Variants in ITGB3 observed in about 807,000 individuals in gnomAD.
The protein encoded by ITGB3 is integrin subunit beta 3, also known as integrin beta-3.
ITGB3 carries 48 observed loss-of-function variants against 85.8 expected under a neutral mutation model. The observed-to-expected ratio is 0.56, with a 90% CI of 0.44 to 0.71. The LOEUF is 0.71. ITGB3 is among the 30% of genes least tolerant of loss of function. The probability of loss-of-function intolerance (pLI) is 0.00; values close to 1 mark genes in which losing one functional copy is unlikely to be tolerated. For synonymous variants in ITGB3, 363 were observed against 395.6 expected, an observed-to-expected ratio of 0.92 and a Z score of 0.98; for missense variants, 861 against 1,019.1, an observed-to-expected ratio of 0.84 and a Z score of 2.11.
chr17:47,286,788 C>T (rs1297006008), intron 5 of ITGB3, among the ~76,000 whole-genome samples: 1 of 152,202 alleles, frequency 6.6e-6, no homozygotes, highest in African/African-American at 2.4e-5. Flanking sequence ...TCTAGATGAG[C>T]AATGTGACTG....
Position 47,271,502 on chromosome 17 carries a change from A to G in ITGB3, c.80-2917A>G, listed in dbSNP as rs139676375. ...AAGGAATGCTGAAATGAATTAGTGA[A>G]TAGATTGAAAATTGGTTAATATTCT... On this transcript the variant is annotated intron_variant, in intron 1 of 14. Transcript: ENST00000559488. Among the ~76,000 whole-genome samples, 705 of 152,348 alleles carry G rather than the reference A, an allele frequency of 4.6e-3. 18 individuals carry two copies. The East Asian group carries it at 0.056, about 12-fold the overall frequency.
intron 1 of ITGB3, among the ~76,000 whole-genome samples, chr17:47,263,924 G>T (rs562527296): frequency 6.6e-6 from 1 of 152,228 alleles, no homozygotes; most frequent in Non-Finnish European, 1.5e-5. Flanking sequence ...GTGAACAAAA[G>T]TTCTCTGAAA....
intron 2 of ITGB3, among the ~76,000 whole-genome samples, chr17:47,275,325 G>A (rs2143070860): frequency 6.6e-6 from 1 of 151,564 alleles, no homozygotes; most frequent in East Asian, 2.0e-4. Context: ...GGGCCCTAGG[G>A]AATGAGTGTG....
intron 1 of ITGB3, among the ~76,000 whole-genome samples, chr17:47,259,794 G>A (rs2065002900): frequency 6.6e-6 from 1 of 152,154 alleles, no homozygotes; most frequent in Non-Finnish European, 1.5e-5. Context: ...AGCTACTCGG[G>A]AGGCTGAGGC....
At chr17:47,266,861 CATGAGCCTGG>C (rs1181449939) in intron 1 of ITGB3, among the ~76,000 whole-genome samples, 1 of 152,122 alleles carries the variant, frequency 6.6e-6, no homozygotes, top group African/African-American at 2.4e-5. Flanking sequence ...GGATTACAGG[CATGAGCCTGG>C]ATTTTCGAAG....
chr17:47,270,655 T>C (rs8074094), intron 1 of ITGB3, among the ~76,000 whole-genome samples: 43,061 of 152,080 alleles, frequency 0.28, 6,405 homozygotes, highest in African/African-American at 0.34. Context: ...TTCCCACTCA[T>C]GGGCCTCACG....
Position 47,291,014 on chromosome 17 carries a change from T to C in ITGB3, c.1186T>C (p.Phe396Leu). Reference sequence around the variant, plus strand: ...CCTCCCTGAAGAGTTGTCTCTATCCTTCAATGCCACCTGCCTCAACAATGA... The same window carrying C: ...CCTCCCTGAAGAGTTGTCTCTATCCCTCAATGCCACCTGCCTCAACAATGA... ...RDLPEELSLS[F>L]NATCLNNEVI... is the part of the protein sequence containing the mutation. The change falls in exon 9 of 15, where the codon TTC (phenylalanine) becomes CTC (leucine). Residue 396 changes from phenylalanine (F) to leucine (L), a missense_variant. By Grantham distance (22) the Phe-to-Leu change is conservative. Coordinates refer to ENST00000559488, the MANE Select transcript of ITGB3 (RefSeq NM_000212.3). The C allele has an allele frequency of 1.2e-6, 2 of 1,614,120 alleles. No individual in the cohort carries two copies. Among genetic ancestry groups the C allele is most frequent in the Non-Finnish European group, 1.7e-6 (2 of 1,179,986 alleles).
chr17:47,307,426 C>T lies in ITGB3; in HGVS notation c.2135-45C>T, dbSNP rs773738026. On this transcript the variant is annotated intron_variant, in intron 13 of 14. Coordinates refer to ENST00000559488, the MANE Select transcript of ITGB3 (RefSeq NM_000212.3). ...TTTTTCATAGCCAGTTCAAGTGACT[C>T]CTGCTTCATTCACAACCGCCCTGCT... 5 of 1,609,724 alleles carry T rather than the reference C, an allele frequency of 3.1e-6. 1 individual carries two copies. In the South Asian group the frequency reaches 5.5e-5, roughly 18 times the overall value.
rs200790464 is a variant in ITGB3 at position 47,299,378 on chromosome 17, C to T, written c.1761C>T (p.Thr587=). Residue 587 remains threonine, a synonymous_variant, in exon 11 of 15, where the codon ACC becomes ACT. Coordinates refer to ENST00000559488, the MANE Select transcript of ITGB3 (RefSeq NM_000212.3). The surrounding 1 kb of genome is among the most constrained non-coding windows in gnomAD (Gnocchi z 5.1). ...GGACCGGCTACTACTGCAACTGTAC[C>T]ACGCGTACTGACACCTGCATGTCCA... is the stretch of plus-strand genomic sequence containing the variant. ...SDWTGYYCNC[T]TRTDTCMSSN... is the part of the protein sequence containing the mutation. The T allele has an allele frequency of 1.4e-4, 230 of 1,614,106 alleles. No homozygotes were observed. The highest frequency in any genetic ancestry group is 6.6e-4 in the Middle Eastern group (4 of 6,084).
chr17:47,289,898 C>A, intron 7 of ITGB3, 122 bp downstream of exon 7: 1 of 782,968 alleles, frequency 1.3e-6, no homozygotes, highest in East Asian at 2.6e-5. Context: ...ATCCACTCCC[C>A]AGGAGCTAAA....
chr17:47,300,728 G>C, intron 12 of ITGB3, 150 bp downstream of exon 12: 1 of 700,796 alleles, frequency 1.4e-6, no homozygotes, highest in Non-Finnish European at 2.6e-6. Flanking sequence ...ATGGACACTT[G>C]ATGTGAGCTG....
intron 1 of ITGB3, among the ~76,000 whole-genome samples, chr17:47,258,623 T>G (rs755830006): frequency 6.6e-6 from 1 of 152,112 alleles, no homozygotes; most frequent in African/African-American, 2.4e-5. Flanking sequence ...TCTTTTTCTT[T>G]CTAGAGGCAG....
chr17:47,275,315 G>A lies in ITGB3; in HGVS notation c.165+811G>A, dbSNP rs139012041. ...CTAGGCAGAGGGTTTGTTGTGTCTG[G>A]GGCCCTAGGGAATGAGTGTGTCTGA... On this transcript the variant is annotated intron_variant, in intron 2 of 14. Coordinates refer to ENST00000559488, the MANE Select transcript of ITGB3 (RefSeq NM_000212.3). Among the ~76,000 whole-genome samples, 404 of 152,222 alleles carry A rather than the reference G, an allele frequency of 2.7e-3. 2 individuals carry two copies. Among genetic ancestry groups the A allele is most frequent in the Non-Finnish European group, 3.5e-3 (236 of 68,008 alleles).
In ITGB3 at chr17:47,284,567, C is replaced by A. The variant is rs754710569; in HGVS notation, c.486C>A (p.Thr162=). Residue 162 remains threonine (T), a synonymous_variant, in exon 4 of 15, where the codon ACC becomes ACA. Transcript: ENST00000559488. ...DDLWSIQNLG[T]KLATQMRKLT... Reference sequence around the variant, plus strand: ...TGTGGAGCATCCAGAACCTGGGTACCAAGCTGGCCACCCAGATGCGAAAGC... The same window carrying A: ...TGTGGAGCATCCAGAACCTGGGTACAAAGCTGGCCACCCAGATGCGAAAGC... The A allele has an allele frequency of 5.6e-6, 9 of 1,614,122 alleles. No homozygotes were observed. Among genetic ancestry groups the A allele is most frequent in the Non-Finnish European group, 6.8e-6 (8 of 1,180,018 alleles).
chr17:47,276,304 G>C (rs948117497), intron 2 of ITGB3, among the ~76,000 whole-genome samples: 1 of 152,198 alleles, frequency 6.6e-6, no homozygotes, highest in African/African-American at 2.4e-5. Flanking sequence ...TAGCCATGCA[G>C]CTGAGGTGGG....
At chr17:47,265,676 T>A (rs2065022797) in intron 1 of ITGB3, among the ~76,000 whole-genome samples, 1 of 152,218 alleles carries the variant, frequency 6.6e-6, no homozygotes, top group Non-Finnish European at 1.5e-5. Flanking sequence ...GGTAAGGACT[T>A]CAACATATCT....
chr17:47,309,366 G>A (rs1171696098), intron 14 of ITGB3, among the ~76,000 whole-genome samples: 2 of 151,976 alleles, frequency 1.3e-5, no homozygotes, highest in Non-Finnish European at 2.9e-5. Flanking sequence ...GTTAGTGCTT[G>A]GCCAGATTAG....
chr17:47,306,129 C>T (rs1198905193), intron 13 of ITGB3, among the ~76,000 whole-genome samples: 1 of 152,212 alleles, frequency 6.6e-6, no homozygotes, highest in Non-Finnish European at 1.5e-5. Flanking sequence ...ACAAGTCACA[C>T]TGCCTTCCTC....
chr17:47,306,094 C>G (rs1279904213), intron 13 of ITGB3, among the ~76,000 whole-genome samples: 5 of 152,172 alleles, frequency 3.3e-5, no homozygotes, highest in Admixed American at 3.3e-4. Flanking sequence ...CTGGCTGTAA[C>G]ATCCACAGGA....
Sources: allele counts gnomAD v4.1 joint callset (sites outside exome capture counted in the v4.1 genomes callset), GRCh38; gene constraint gnomAD v4.1.1; non-coding constraint Gnocchi (gnomAD v3.1); transcripts MANE v1.5; gene names NCBI Gene and HGNC (gene_info 2026-07-23, HGNC 2026-07-21).